The following KCNN2 variants were observed in gnomAD, a reference collection of about 807,000 sequenced individuals.
KCNN2 encodes the protein small conductance calcium-activated potassium channel protein 2.
In KCNN2, 24 loss-of-function variants were observed where a neutral mutation model predicts 55.5. The observed-to-expected ratio is 0.43, with a 90% confidence interval of 0.31 to 0.61. KCNN2 has a LOEUF of 0.61. KCNN2 is among the 20% of genes least tolerant of loss of function. KCNN2 has a pLI of 0.08. For missense variants in KCNN2, 754 were observed against 853.6 expected (o/e 0.88, Z 1.45); for synonymous variants, 431 against 336.1 (o/e 1.28, Z -3.09).
At chr5:114,382,412 T>A (rs1240629923) in intron 2 of KCNN2, among the ~76,000 whole-genome samples, 2 of 152,152 alleles carry the variant, frequency 1.3e-5, no homozygotes, top group Non-Finnish European at 2.9e-5. Flanking sequence ...TGAACTTGAG[T>A]CCTAATTGTT....
intron 1 of KCNN2, among the ~76,000 whole-genome samples, chr5:114,122,184 T>A (rs527396987): frequency 6.6e-6 from 1 of 152,136 alleles, no homozygotes; most frequent in Non-Finnish European, 1.5e-5. Context: ...TAAATGGAGT[T>A]AGGGAACTGA....
At position 114,368,494 on chromosome 5, in the gene KCNN2, G is replaced by T. The variant is rs7356785; in HGVS notation, c.1218+4493G>T. 9.5e-3 allele frequency among the ~76,000 whole-genome samples: 1,449 copies of T among 152,188 alleles called. 25 individuals are homozygous for T. The highest frequency in any genetic ancestry group is 0.033 in the African/African-American group (1,375 of 41,506). ...CACCTGGACTAGTTGGGGAGGGGTG[G>T]TCCCTGTCTACTAGTAGGCTCTGTG... is the stretch of plus-strand genomic sequence containing the variant. On this transcript the variant is annotated intron_variant, in intron 2 of 7. Transcript: ENST00000673685.
chr5:114,207,929 C>G (rs1753808220), intron 1 of KCNN2, among the ~76,000 whole-genome samples: 1 of 152,138 alleles, frequency 6.6e-6, no homozygotes, highest in Admixed American at 6.5e-5. Context: ...GTCACAGTGA[C>G]TTAAATATGT....
At chr5:114,126,085 C>T (rs1366462537) in intron 1 of KCNN2, among the ~76,000 whole-genome samples, 1 of 152,086 alleles carries the variant, frequency 6.6e-6, no homozygotes, top group African/African-American at 2.4e-5. Context: ...GTGATATTCT[C>T]CTGGTGTCTC....
chr5:114,432,945 G>C (rs1018290351), intron 3 of KCNN2, among the ~76,000 whole-genome samples: 4 of 152,166 alleles, frequency 2.6e-5, no homozygotes, highest in African/African-American at 9.7e-5. Context: ...CCTGCAGCCC[G>C]CCATGCCTGA....
chr5:114,075,301 C>T (rs923897143), intron 1 of KCNN2, among the ~76,000 whole-genome samples: 3 of 152,104 alleles, frequency 2.0e-5, no homozygotes, highest in Non-Finnish European at 4.4e-5. Context: ...AAGAATAATA[C>T]AAAAGATGCA....
At chr5:114,359,966 C>T (rs1008856377), upstream of KCNN2, among the ~76,000 whole-genome samples, 1 of 152,032 alleles carries the variant, frequency 6.6e-6, no homozygotes, top group Non-Finnish European at 1.5e-5. Flanking sequence ...ACTCAGCTGC[C>T]CCGAAGACTC....
intron 2 of KCNN2, among the ~76,000 whole-genome samples, chr5:114,260,101 C>T (rs1279909868): frequency 2.6e-5 from 4 of 152,194 alleles, no homozygotes; most frequent in South Asian, 4.1e-4. Context: ...ACTTCTACCA[C>T]CCTACTCCAA....
chr5:114,168,060 A>G (rs1752952544), intron 1 of KCNN2, among the ~76,000 whole-genome samples: 1 of 151,934 alleles, frequency 6.6e-6, no homozygotes, highest in Non-Finnish European at 1.5e-5. Context: ...TTTCTGATTT[A>G]TATTCACTTG....
chr5:114,117,643 C>T (rs929139994), intron 1 of KCNN2, among the ~76,000 whole-genome samples: 28 of 152,078 alleles, frequency 1.8e-4, no homozygotes, highest in African/African-American at 6.8e-4. Context: ...TAAGATTTGA[C>T]CTATTTAGAA....
intron 1 of KCNN2, among the ~76,000 whole-genome samples, chr5:114,171,976 C>T (rs1037425712): frequency 5.9e-5 from 9 of 151,800 alleles, no homozygotes; most frequent in African/African-American, 1.9e-4. Context: ...TGTGATAAAG[C>T]AGTGAAGATG....
intron 1 of KCNN2, among the ~76,000 whole-genome samples, chr5:114,150,122 A>T (rs184232095): frequency 1.3e-5 from 2 of 152,246 alleles, no homozygotes; most frequent in East Asian, 3.9e-4. Context: ...TGGCAGTCCA[A>T]CCTGGCATTG....
At chr5:114,272,413 CTACACACATATGTACGTACATA>C (rs1755367415) in intron 2 of KCNN2, among the ~76,000 whole-genome samples, 1 of 23,286 alleles carries the variant, frequency 4.3e-5, no homozygotes, top group Non-Finnish European at 1.6e-4. Context: ...ATGTACATAT[CTACACACATATGTACGTACATA>C]TCATATACAC....
chr5:114,361,385 G>A (rs1399757835), upstream of KCNN2, among the ~76,000 whole-genome samples: 1 of 152,178 alleles, frequency 6.6e-6, no homozygotes, highest in East Asian at 1.9e-4. Context: ...CGGTCTCGGG[G>A]TCGGCTATGA....
At chr5:114,288,086 GA>G (rs1755792162) in intron 2 of KCNN2, among the ~76,000 whole-genome samples, 2 of 152,164 alleles carry the variant, frequency 1.3e-5, no homozygotes, top group African/African-American at 4.8e-5. Flanking sequence ...TCATACAAAT[GA>G]TGTTATACAA....
At chr5:114,168,424 T>A (rs954053545) in intron 1 of KCNN2, among the ~76,000 whole-genome samples, 1 of 152,096 alleles carries the variant, frequency 6.6e-6, no homozygotes, top group African/African-American at 2.4e-5. Flanking sequence ...GTTAAGCATT[T>A]CTTCCAATGA....
intron 1 of KCNN2, among the ~76,000 whole-genome samples, chr5:114,062,389 C>T (rs1750351543): frequency 6.6e-6 from 1 of 152,150 alleles, no homozygotes; most frequent in East Asian, 1.9e-4. Context: ...CTCCACAGAC[C>T]TGTTACCACA....
chr5:114,468,283 ATTGATTGTTT>A (rs1481244540), intron 4 of KCNN2, among the ~76,000 whole-genome samples: 52 of 152,338 alleles, frequency 3.4e-4, no homozygotes, highest in Middle Eastern at 3.4e-3. Flanking sequence ...ACTTGCCAGA[ATTGATTGTTT>A]CACATGTTTT....
intron 2 of KCNN2, among the ~76,000 whole-genome samples, chr5:114,364,896 G>GT (rs201060943): frequency 9.4e-4 from 138 of 146,600 alleles, no homozygotes; most frequent in East Asian, 1.8e-3. Context: ...TATTTTCTGA[G>GT]TTTTTTTTTT....
Sources: gnomAD v4.1 joint callset for allele counts (sites outside exome capture counted in the v4.1 genomes callset) on GRCh38, gnomAD v4.1.1 for gene constraint, MANE v1.5 for transcripts, NCBI Gene and HGNC (gene_info 2026-07-23, HGNC 2026-07-21) for gene names.